DNAH2: variants seen among roughly 807,000 people sequenced by gnomAD.
The protein encoded by DNAH2 is dynein axonemal heavy chain 2, also known as axonemal beta dynein heavy chain 2.
A neutral mutation model predicts 523.5 loss-of-function variants in DNAH2; 323 were observed. The observed-to-expected ratio is 0.62, with a 90% confidence interval of 0.56 to 0.68. The LOEUF (loss-of-function observed/expected upper bound fraction) is 0.68. Ranked by LOEUF, DNAH2 falls within the 30% of genes least tolerant of loss-of-function variation. The pLI is 0.00. For synonymous variants in DNAH2, 2,093 were observed against 2,177.4 expected (o/e 0.96, Z 1.08); for missense variants, 4,907 against 5,701.5 (o/e 0.86, Z 4.49).
chr17:7,809,986 G>A (rs996108758), intron 63 of DNAH2, among the ~76,000 whole-genome samples: 5 of 151,408 alleles, frequency 3.3e-5, no homozygotes, highest in East Asian at 1.9e-4. Context: ...ACCGTGCCCC[G>A]AAATGTACCT....
intron 77 of DNAH2, among the ~76,000 whole-genome samples, chr17:7,825,108 T>C (rs2077982913): frequency 6.6e-6 from 1 of 152,182 alleles, no homozygotes; most frequent in South Asian, 2.1e-4. Flanking sequence ...CATTCTTTTA[T>C]ACCTCAGAAC....
rs1435502922 is a variant in DNAH2, at chr17:7,763,853, G to A, written c.3001G>A (p.Val1001Met). 2.0e-5 allele frequency: 32 copies of A among 1,613,998 alleles called. No individual in the cohort carries two copies. The highest frequency in any genetic ancestry group is 2.5e-5 in the Non-Finnish European group (30 of 1,180,036). ...CAGCTACACGGAAGTTGCTAATAAC[G>A]TGCAGAAGGAGGAGACAGTCACCAA... ...IARYTEVANN[V>M]QKEETVTNIQ... Residue 1001 changes from valine to methionine, a missense_variant, in exon 19 of 86, where the codon GTG becomes ATG. Physicochemically the swap from Val to Met is conservative, Grantham distance 21. This residue lies in a region of DNAH2 where 2,806 missense variants were observed against 3,190.8 expected (regional missense o/e 0.88). Coordinates refer to ENST00000572933, the MANE Select transcript of DNAH2 (RefSeq NM_020877.5).
intron 28 of DNAH2, 88 bp from the exon 29 acceptor site, chr17:7,774,671 A>G: frequency 8.5e-7 from 1 of 1,179,634 alleles, no homozygotes; most frequent in South Asian, 1.5e-5. Flanking sequence ...ACTGTTCAAG[A>G]GCTGGCAAAG....
chr17:7,741,236 C>CTCATTCTTTCTT, intron 11 of DNAH2, among the ~76,000 whole-genome samples: 1 of 85,672 alleles, frequency 1.2e-5, no homozygotes, highest in Non-Finnish European at 2.6e-5. Flanking sequence ...TTTTCTCTCT[C>CTCATTCTTTCTT]TCTTTCTTTC....
chr17:7,726,617 T>C (rs544672617), intron 3 of DNAH2, among the ~76,000 whole-genome samples: 36 of 152,278 alleles, frequency 2.4e-4, no homozygotes, highest in Admixed American at 2.6e-4. Context: ...TTGGTGTTTT[T>C]GTGTCTTTTT....
rs1217303641 is a variant in DNAH2 at position 7,832,513 on chromosome 17, AT to A, written c.12727-65del. On this transcript the variant is annotated intron_variant, in intron 82 of 85. Transcript: ENST00000572933. This position sits in a 1 kb window ranked among gnomAD's most constrained non-coding sequence, Gnocchi z 4.3. The stretch of plus-strand genomic sequence containing the variant: ...GACAAGAGCAAAACTCTGTCTCTAA[AT>A]AAATAAATAATACGGATTTGAATGC... 6 of 1,557,486 alleles carry A rather than the reference AT, an allele frequency of 3.9e-6. No homozygotes were observed. The highest frequency in any genetic ancestry group is 5.2e-6 in the Non-Finnish European group (6 of 1,145,172).
rs564674246 is a variant in DNAH2, at chr17:7,830,429, C to T, written c.11983C>T (p.Arg3995Cys). 1.2e-5 allele frequency: 20 copies of T among 1,614,116 alleles called. No homozygotes were observed. Among genetic ancestry groups the T allele is most frequent in the East Asian group, 2.2e-5 (1 of 44,902 alleles). ...TTTCTTCCACTCTGTGTTACTTGAA[C>T]GCAAAAAGTTCCTGCAGCTTGGCTG... The part of the protein sequence containing the change: ...LCFFHSVLLE[R>C]KKFLQLGWNI... The change falls in exon 78 of 86, where the codon CGC (arginine) becomes TGC (cysteine). Residue 3995 changes from arginine to cysteine, a missense_variant. This residue lies in a region of DNAH2 where 1,851 missense variants were observed against 2,139.4 expected (regional missense o/e 0.87). Transcript: ENST00000572933.
intron 7 of DNAH2, among the ~76,000 whole-genome samples, chr17:7,735,020 A>G (rs1401596736): frequency 2.0e-5 from 3 of 152,144 alleles, no homozygotes; most frequent in Non-Finnish European, 4.4e-5. Context: ...AGATGAGCTC[A>G]TGTGGTTCAG....
intron 12 of DNAH2, among the ~76,000 whole-genome samples, chr17:7,752,410 C>T (rs748054766): frequency 5.3e-5 from 8 of 152,008 alleles, no homozygotes; most frequent in Non-Finnish European, 1.0e-4. Flanking sequence ...CAGAGATATA[C>T]GTAAAACTTG....
Position 7,807,289 on chromosome 17 carries a change from G to A in DNAH2, c.9582G>A (p.Lys3194=), listed in dbSNP as rs751279393. The change falls in exon 62 of 86, where the codon AAG becomes AAA. Residue 3194 remains lysine, a synonymous_variant. Coordinates refer to ENST00000572933, the MANE Select transcript of DNAH2 (RefSeq NM_020877.5). This position sits in a 1 kb window ranked among gnomAD's most constrained non-coding sequence, Gnocchi z 5.6. ...TCGGCCGCGTCTCCCTGGCTGCCAA[G>A]TCCCTCTGCATGTGGGTGCGGGCCA... is the stretch of plus-strand genomic sequence containing the variant. The part of the protein sequence containing the change: ...DIIGRVSLAA[K]SLCMWVRAME... The A allele has an allele frequency of 1.2e-6, 2 of 1,613,810 alleles. No homozygotes were observed. Among genetic ancestry groups the A allele is most frequent in the Admixed American group, 1.7e-5 (1 of 60,028 alleles).
chr17:7,741,329 CCTTCCT>C (rs1410415530), intron 11 of DNAH2, among the ~76,000 whole-genome samples: 6 of 109,810 alleles, frequency 5.5e-5, no homozygotes, highest in African/African-American at 7.5e-5. Context: ...CTCCCTCCTT[CCTTCCT>C]TCCTTCCTTC....
rs1346175518 is a variant in DNAH2, at chr17:7,757,186, A to G, written c.2000A>G (p.Asp667Gly). Residue 667 changes from aspartate to glycine, a missense_variant, in exon 13 of 86, where the codon GAC (aspartate) becomes GGC (glycine). Coordinates refer to ENST00000572933, the MANE Select transcript of DNAH2 (RefSeq NM_020877.5). ...YVVNVAERAE[D>G]LRILRENLLL... ...GTGAACGTAGCTGAGCGAGCCGAGG[A>G]CCTGCGCATTCTGCGTGAAAATCTG... is the stretch of plus-strand genomic sequence containing the variant. 6.2e-7 allele frequency: 1 copy of G among 1,614,232 alleles called. No individual in the cohort carries two copies. The highest frequency in any genetic ancestry group is 1.1e-5 in the South Asian group (1 of 91,086).
rs756985455 is a variant in DNAH2 at position 7,819,272 on chromosome 17, A to C, written c.10879A>C (p.Ile3627Leu). The part of the protein sequence containing the change: ...LFFVLNDMGC[I>L]DPMYQFSLDA... The stretch of plus-strand genomic sequence containing the variant: ...CTTCGTGCTCAATGATATGGGCTGC[A>C]TCGACCCCATGTACCAGTTCTCACT... Residue 3627 changes from isoleucine (I) to leucine (L), a missense_variant, in exon 72 of 86, where the codon ATC becomes CTC. By Grantham distance (5) the Ile-to-Leu change is conservative. This residue lies in a region of DNAH2 where 1,851 missense variants were observed against 2,139.4 expected (regional missense o/e 0.87). Transcript: ENST00000572933. The C allele has an allele frequency of 1.2e-6, 2 of 1,614,080 alleles. No individual in the cohort carries two copies. The highest frequency in any genetic ancestry group is 2.7e-5 in the African/African-American group (2 of 74,938).
At chr17:7,729,394 A>C (rs2074920133) in intron 4 of DNAH2, among the ~76,000 whole-genome samples, 1 of 151,918 alleles carries the variant, frequency 6.6e-6, no homozygotes, top group Non-Finnish European at 1.5e-5. Flanking sequence ...AAAGAAAAAA[A>C]AAAAAAGAGA....
In DNAH2 at chr17:7,780,603, G is replaced by C. The variant is rs1173842783; in HGVS notation, c.5851-27G>C. 4 of 1,612,308 alleles carry C rather than the reference G, an allele frequency of 2.5e-6. No individual in the cohort carries two copies. The highest frequency in any genetic ancestry group is 3.4e-6 in the Non-Finnish European group (4 of 1,179,220). Reference sequence around the variant, plus strand: ...AGAGGGATTTGTGGGGAGATGGACTGTTTCCTCCTCTGTTTTGGTTCCCCA... The same window carrying C: ...AGAGGGATTTGTGGGGAGATGGACTCTTTCCTCCTCTGTTTTGGTTCCCCA... On this transcript the variant is annotated intron_variant, in intron 37 of 85. Coordinates refer to ENST00000572933, the MANE Select transcript of DNAH2 (RefSeq NM_020877.5). The surrounding 1 kb of genome is among the most constrained non-coding windows in gnomAD (Gnocchi z 4.4).
Position 7,807,785 on chromosome 17 carries a change from G to T in DNAH2, c.9729+199G>T, listed in dbSNP as rs2077407409. On this transcript the variant is annotated intron_variant, in intron 63 of 85. Coordinates refer to ENST00000572933, the MANE Select transcript of DNAH2 (RefSeq NM_020877.5). This position sits in a 1 kb window ranked among gnomAD's most constrained non-coding sequence, Gnocchi z 5.6. ...CAGAAAGCTAAGTCAATTGCAGAGG[G>T]TTATAAAGGCTCAAAGGCACTGCGA... Among the ~76,000 whole-genome samples, 1 of 152,158 alleles carries T rather than the reference G, an allele frequency of 6.6e-6. No homozygotes were observed. Among genetic ancestry groups the T allele is most frequent in the Admixed American group, 6.5e-5 (1 of 15,272 alleles).
chr17:7,739,455 C>A (rs1269609702), intron 8 of DNAH2, among the ~76,000 whole-genome samples: 1 of 152,204 alleles, frequency 6.6e-6, no homozygotes, highest in African/African-American at 2.4e-5. Flanking sequence ...GCTTTTCCTG[C>A]ACAATTGTGT....
At position 7,828,789 on chromosome 17, in the gene DNAH2, G is replaced by A. The variant is rs1413174190; in HGVS notation, c.11854-1511G>A. Reference sequence around the variant, plus strand: ...CGTAAATAATCATACATTTTAATTGGATTTATTTCTTGGTACTTGACATAT... The same window carrying A: ...CGTAAATAATCATACATTTTAATTGAATTTATTTCTTGGTACTTGACATAT... On this transcript the variant is annotated intron_variant, in intron 77 of 85. Transcript: ENST00000572933. The surrounding 1 kb of genome is among the most constrained non-coding windows in gnomAD (Gnocchi z 4.1). Among the ~76,000 whole-genome samples, 1 of 151,872 alleles carries A rather than the reference G, an allele frequency of 6.6e-6. No individual in the cohort carries two copies. The highest frequency in any genetic ancestry group is 2.4e-5 in the African/African-American group (1 of 41,244).
Position 7,759,929 on chromosome 17 carries a change from A to G in DNAH2, c.2776A>G (p.Thr926Ala). 6.2e-7 allele frequency: 1 copy of G among 1,614,044 alleles called. No individual in the cohort carries two copies. Among genetic ancestry groups the G allele is most frequent in the African/African-American group, 1.3e-5 (1 of 75,012 alleles). ...KRKLHREPIQ[T>A]VVEQDEDIKK... ...CAAGTTACATCGTGAACCCATCCAA[A>G]CAGTTGTGGGTGAGTGGGCAACGGG... The change falls in exon 17 of 86, where the codon ACA (threonine) becomes GCA (alanine). Residue 926 changes from threonine to alanine, a missense_variant. Thr to Ala is a moderately conservative substitution (Grantham distance 58, BLOSUM62 0). Transcript: ENST00000572933.
Sources: gnomAD v4.1 joint callset for allele counts (sites outside exome capture counted in the v4.1 genomes callset) on GRCh38, gnomAD v4.1.1 for gene constraint, gnomAD v4.1.1 regional missense constraint, Gnocchi (gnomAD v3.1) non-coding constraint, MANE v1.5 for transcripts, NCBI Gene and HGNC (gene_info 2026-07-23, HGNC 2026-07-21) for gene names.